The following RRP12 variants were observed in gnomAD, a reference collection of about 807,000 sequenced individuals.
RRP12 encodes the protein ribosomal RNA processing 12 homolog, also known as RRP12-like protein.
RRP12 carries 78 observed loss-of-function variants against 157.3 expected under a neutral mutation model. That is an observed-to-expected ratio of 0.50 (90% CI 0.41 to 0.60). The LOEUF is 0.60. Among genes scored for constraint, RRP12 ranks in the 20% least tolerant of loss-of-function variants. The pLI is 0.00. For synonymous variants in RRP12, 726 were observed against 670.9 expected (o/e 1.08, Z -1.27); for missense variants, 1,521 against 1,679.9 (o/e 0.91, Z 1.65).
At chr10:97,366,974 C>T in intron 26 of RRP12, 65 bp from the exon 27 acceptor site, 7 of 1,609,880 alleles carry the variant, frequency 4.3e-6, no homozygotes, top group African/African-American at 1.3e-5. Flanking sequence ...GATGTAGTGT[C>T]CCTGGTAGGA....
intron 10 of RRP12, among the ~76,000 whole-genome samples, chr10:97,384,391 G>A (rs904470166): frequency 6.1e-5 from 9 of 146,520 alleles, no homozygotes; most frequent in African/African-American, 2.3e-4. Context: ...CTGGACAAGA[G>A]GTCCTAAAGA....
rs779954455 is a variant in RRP12 at position 97,367,055 on chromosome 10, G to A, written c.3033C>T (p.Phe1011=). 7.4e-6 allele frequency: 12 copies of A among 1,614,064 alleles called. No individual in the cohort carries two copies. The highest frequency in any genetic ancestry group is 1.0e-5 in the Non-Finnish European group (12 of 1,180,028). The change falls in exon 26 of 34, where the codon TTC becomes TTT. Residue 1011 remains phenylalanine, a synonymous_variant. Coordinates refer to ENST00000370992, the MANE Select transcript of RRP12 (RefSeq NM_015179.4). Reference sequence around the variant, plus strand: ...AGTGCACAGACCCAAACTTGCGGATGAACTTGGTGAACAGGTTCCGAAGCT... The same window carrying A: ...AGTGCACAGACCCAAACTTGCGGATAAACTTGGTGAACAGGTTCCGAAGCT... ...RMKLRNLFTK[F]IRKFGFELVK... is the part of the protein sequence containing the mutation.
chr10:97,365,271 T>C (rs2088603524), intron 29 of RRP12, among the ~76,000 whole-genome samples: 1 of 130,398 alleles, frequency 7.7e-6, no homozygotes, highest in African/African-American at 2.8e-5. Context: ...AAGACCTAGG[T>C]GTTTTTTTTT....
intron 18 of RRP12, 65 bp from the exon 19 acceptor site, chr10:97,372,868 G>T: frequency 6.7e-7 from 1 of 1,496,204 alleles, no homozygotes; most frequent in Non-Finnish European, 9.1e-7. Flanking sequence ...AGCAGCAATG[G>T]CAGCAGTCCC....
At position 97,385,247 on chromosome 10, in the gene RRP12, T is replaced by C. The variant is rs1251636354; in HGVS notation, c.1127A>G (p.Asp376Gly). ...TAAATCATTCTCACTGGGAACATAG[T>C]CGTACAGGGCCTAAAAGTGGGAATA... ...LNAQIITALY[D>G]YVPSENDLQP... Residue 376 changes from aspartate (D) to glycine (G), a missense_variant, in exon 10 of 34, where the codon GAC becomes GGC. By Grantham distance (94) the Asp-to-Gly change is moderately conservative (BLOSUM62 -1). Transcript: ENST00000370992. 6.2e-7 allele frequency: 1 copy of C among 1,613,756 alleles called. No homozygotes were observed. Among genetic ancestry groups the C allele is most frequent in the African/African-American group, 1.3e-5 (1 of 75,020 alleles).
At position 97,388,380 on chromosome 10, in the gene RRP12, CTGGTATACAGAAGAGGAAT is replaced by C. The variant is rs1844698945; in HGVS notation, c.890-20_890-2del. 6.2e-7 allele frequency: 1 copy of C among 1,613,698 alleles called. No individual in the cohort carries two copies. The highest frequency in any genetic ancestry group is 8.5e-7 in the Non-Finnish European group (1 of 1,179,990). On this transcript the variant is annotated splice_acceptor_variant and splice_polypyrimidine_tract_variant and intron_variant, in intron 7 of 33. Coordinates refer to ENST00000370992, the MANE Select transcript of RRP12 (RefSeq NM_015179.4). LOFTEE classifies it high-confidence loss of function. ...AGCGTGGTGGTGGCCTCCTTGGAGC[CTGGTATACAGAAGAGGAAT>C]TGAGACACCAGCCCCGCCCTACCGC...
chr10:97,368,253 A>C (rs571009187), intron 25 of RRP12, among the ~76,000 whole-genome samples: 7 of 151,750 alleles, frequency 4.6e-5, no homozygotes, highest in African/African-American at 1.7e-4. Flanking sequence ...GCTGGTCTCG[A>C]ATTCCTGACC....
intron 33 of RRP12, among the ~76,000 whole-genome samples, chr10:97,357,775 A>G (rs559739638): frequency 1.1e-4 from 16 of 151,652 alleles, no homozygotes; most frequent in South Asian, 4.2e-4. Flanking sequence ...TGGGTAACAC[A>G]GTGAAACCCC....
At chr10:97,394,097 C>A (rs1338620701) in intron 3 of RRP12, among the ~76,000 whole-genome samples, 1 of 152,108 alleles carries the variant, frequency 6.6e-6, no homozygotes, top group African/African-American at 2.4e-5. Context: ...AATCCCAGCA[C>A]TTTGGGAGGC....
chr10:97,357,539 T>C (rs1322509080), intron 33 of RRP12, among the ~76,000 whole-genome samples: 1 of 152,166 alleles, frequency 6.6e-6, no homozygotes, highest in Admixed American at 6.5e-5. Flanking sequence ...ACAACACCAT[T>C]TCCCTAGTAA....
chr10:97,385,321 C>T lies in RRP12; in HGVS notation c.1117-64G>A. On this transcript the variant is annotated intron_variant, in intron 9 of 33. Transcript: ENST00000370992. Reference sequence around the variant, plus strand: ...TCTGCAATAGCCCAGTGATGATGACCCCTTCCCATCCTGGCACCAGCAATG... The same window carrying T: ...TCTGCAATAGCCCAGTGATGATGACTCCTTCCCATCCTGGCACCAGCAATG... 17 of 1,223,104 alleles carry T rather than the reference C, an allele frequency of 1.4e-5. No homozygotes were observed. In the South Asian group the frequency reaches 2.2e-4, roughly 16 times the overall value. The allele number at this position is 1,223,104 out of a possible 1,614,324, so 75.8% of individuals were successfully genotyped here. A position where few individuals can be genotyped will look rare whatever the true frequency, so the allele number is the denominator to read the frequency against.
intron 31 of RRP12, among the ~76,000 whole-genome samples, chr10:97,360,064 G>A (rs1843803184): frequency 6.6e-6 from 1 of 152,202 alleles, no homozygotes; most frequent in African/African-American, 2.4e-5. Flanking sequence ...ACTTCTAGCA[G>A]CTGCTCTAGG....
Position 97,390,505 on chromosome 10 carries a change from T to C in RRP12, c.671A>G (p.Gln224Arg), listed in dbSNP as rs757325556. 5.6e-6 allele frequency: 9 copies of C among 1,614,028 alleles called. 1 individual carries two copies. The highest frequency in any genetic ancestry group is 1.7e-4 in the Middle Eastern group (1 of 6,036). The change falls in exon 6 of 34, where the codon CAA (glutamine) becomes CGA (arginine). Residue 224 changes from glutamine to arginine, a missense_variant. Gln to Arg is a conservative substitution (Grantham distance 43, BLOSUM62 1). Coordinates refer to ENST00000370992, the MANE Select transcript of RRP12 (RefSeq NM_015179.4). ...GGGGTAGCCCCAGGCCTCCAGGTCT[T>C]GCTTCCGCAGAAGGGTGGCCAGGCA... ...LSCLATLLRK[Q>R]DLEAWGYPVT...
At chr10:97,365,272 GTT>G (rs34050240) in intron 29 of RRP12, among the ~76,000 whole-genome samples, 246 of 118,434 alleles carry the variant, frequency 2.1e-3, no homozygotes, top group African/African-American at 7.1e-3. Context: ...AGACCTAGGT[GTT>G]TTTTTTTTTT....
intron 7 of RRP12, 25 bp downstream of exon 7, chr10:97,388,464 C>G: frequency 6.2e-7 from 1 of 1,613,658 alleles, no homozygotes; most frequent in Non-Finnish European, 8.5e-7. Flanking sequence ...CTCCCATCCA[C>G]CTGCCCTCCA....
chr10:97,370,209 A>T lies in RRP12; in HGVS notation c.2755T>A (p.Cys919Ser). 6.2e-7 allele frequency: 1 copy of T among 1,607,574 alleles called. No individual in the cohort carries two copies. Among genetic ancestry groups the T allele is most frequent in the Non-Finnish European group, 8.5e-7 (1 of 1,177,534 alleles). Reference protein sequence around the residue: ...GLVGAVTMVSCSILALTHLLF... With the variant: ...GLVGAVTMVSSSILALTHLLF... ...AGGTGGGTCAGGGCCAGGATGCTGC[A>T]GCTGACCATGGTCACCGCGCCCACC... is the stretch of plus-strand genomic sequence containing the variant. Residue 919 changes from cysteine to serine, a missense_variant, in exon 24 of 34, where the codon TGC becomes AGC. Coordinates refer to ENST00000370992, the MANE Select transcript of RRP12 (RefSeq NM_015179.4).
At chr10:97,399,614 G>C in intron 2 of RRP12, among the ~76,000 whole-genome samples, 1 of 152,018 alleles carries the variant, frequency 6.6e-6, no homozygotes, top group South Asian at 2.1e-4. Flanking sequence ...CAGCATTTTA[G>C]GAGGCCAAGG....
intron 6 of RRP12, 74 bp from the exon 7 acceptor site, chr10:97,388,698 C>T (rs1844710260): frequency 1.3e-6 from 2 of 1,566,310 alleles, no homozygotes; most frequent in South Asian, 1.2e-5. Context: ...GGCACAAGCA[C>T]CAACCAATTA....
chr10:97,372,779 C>T lies in RRP12; in HGVS notation c.2206G>A (p.Ala736Thr). The stretch of plus-strand genomic sequence containing the variant: ...GCAGGGTCGAGCACCTTCTCACTGG[C>T]TTTTTCCAGGAGACTGTTCACCAAC... ...TQLVNSLLEK[A>T]SEKVLDPASS... The change falls in exon 19 of 34, where the codon GCC becomes ACC. Residue 736 changes from alanine to threonine, a missense_variant. Physicochemically the swap from Ala to Thr is moderately conservative, Grantham distance 58 (BLOSUM62 0). Transcript: ENST00000370992. 3.2e-6 allele frequency: 5 copies of T among 1,563,820 alleles called. No individual in the cohort carries two copies. Among genetic ancestry groups the T allele is most frequent in the Non-Finnish European group, 4.3e-6 (5 of 1,153,410 alleles).
Sources: allele counts gnomAD v4.1 joint callset (sites outside exome capture counted in the v4.1 genomes callset), GRCh38; gene constraint gnomAD v4.1.1; transcripts MANE v1.5; gene names NCBI Gene and HGNC (gene_info 2026-07-23, HGNC 2026-07-21).